C1orf141: variants seen among roughly 807,000 people sequenced by gnomAD.
The protein encoded by C1orf141 is chromosome 1 open reading frame 141.
C1orf141 carries 19 observed loss-of-function variants against 23.2 expected under a neutral mutation model. The observed-to-expected ratio is 0.82, with a 90% confidence interval of 0.57 to 1.20. The LOEUF (loss-of-function observed/expected upper bound fraction) is 1.20, where lower values mean the gene tolerates loss of function less well. Among genes scored for constraint, C1orf141 ranks in the 50% most tolerant of loss-of-function variants. The pLI, the probability that C1orf141 is intolerant of heterozygous loss-of-function variation, is 0.00. For missense variants in C1orf141, 469 were observed against 455.1 expected (o/e 1.03, Z -0.28); for synonymous variants, 153 against 154.6 (o/e 0.99, Z 0.08).
intron 6 of C1orf141, 188 bp from the exon 7 acceptor site, chr1:67,095,609 T>C: frequency 2.1e-6 from 1 of 487,082 alleles, no homozygotes; most frequent in East Asian, 3.2e-5. Context: ...AGAGTAGGAG[T>C]GGAAGCAAGA....
intron 6 of C1orf141, 191 bp downstream of exon 6, chr1:67,096,061 T>C: frequency 2.6e-6 from 1 of 384,192 alleles, no homozygotes; most frequent in South Asian, 8.6e-5. Context: ...TCCATGCCTT[T>C]CTCTCCATTT....
chr1:67,126,130 T>G (rs1646409058), intron 3 of C1orf141, among the ~76,000 whole-genome samples: 1 of 152,016 alleles, frequency 6.6e-6, no homozygotes, highest in Non-Finnish European at 1.5e-5. Flanking sequence ...TCTTTTCCCA[T>G]CTGTAAAATG....
chr1:67,101,449 A>AGAGTGTGT (rs147291198), intron 5 of C1orf141, among the ~76,000 whole-genome samples: 3 of 135,288 alleles, frequency 2.2e-5, no homozygotes, highest in South Asian at 2.6e-4. Context: ...TGAATGTAAG[A>AGAGTGTGT]GTGTGTGTGT....
At chr1:67,117,240 T>C (rs772829317) in intron 4 of C1orf141, among the ~76,000 whole-genome samples, 6 of 152,136 alleles carry the variant, frequency 3.9e-5, no homozygotes, top group Non-Finnish European at 8.8e-5. Context: ...CTGGCCAACA[T>C]GGCGAAACCC....
chr1:67,105,646 GACAC>G (rs1645909141), intron 5 of C1orf141, among the ~76,000 whole-genome samples: 1 of 151,520 alleles, frequency 6.6e-6, no homozygotes, highest in African/African-American at 2.4e-5. Flanking sequence ...CACACACACA[GACAC>G]ACACACAGAC....
At chr1:67,135,113 A>G (rs1646574306), upstream of C1orf141, 1 of 152,414 alleles carries the variant, frequency 6.6e-6, no homozygotes, top group South Asian at 2.1e-4. Context: ...TGTCACTAAA[A>G]GCCCAGGTGA....
At chr1:67,126,837 C>T (rs573427017) in intron 3 of C1orf141, among the ~76,000 whole-genome samples, 2 of 152,292 alleles carry the variant, frequency 1.3e-5, no homozygotes, top group African/African-American at 4.8e-5. Context: ...ACGCATTTAC[C>T]TCAGAGAAAT....
intron 4 of C1orf141, chr1:67,123,214 A>AT (rs1646335552): frequency 1.2e-5 from 1 of 85,194 alleles, no homozygotes; most frequent in African/African-American, 4.8e-5. Flanking sequence ...TCAAAAAAAA[A>AT]AAATAAATAA....
At chr1:67,128,040 A>G (rs1646449421) in intron 2 of C1orf141, among the ~76,000 whole-genome samples, 2 of 152,232 alleles carry the variant, frequency 1.3e-5, no homozygotes, top group African/African-American at 2.4e-5. Context: ...TTCAAATTAA[A>G]TTGGTCAATG....
Position 67,113,786 on chromosome 1 carries a change from A to G in C1orf141, c.346+1566T>C. 2 of 1,081,120 alleles carry G rather than the reference A, an allele frequency of 1.8e-6. 1 individual carries two copies. The allele number at this position is 1,081,120 out of a possible 1,614,324, so 67.0% of individuals were successfully genotyped here. A position where few individuals can be genotyped will look rare whatever the true frequency, so the allele number is the denominator to read the frequency against. ...ATGATTTAAGGAAAGAAAATGGATT[A>G]GAGATTTTTGCTACCATTATGGAAG... On this transcript the variant is annotated intron_variant, in intron 5 of 7. Coordinates refer to ENST00000684719, the MANE Select transcript of C1orf141 (RefSeq NM_001276351.2).
At chr1:67,118,445 C>T (rs952999578) in intron 4 of C1orf141, among the ~76,000 whole-genome samples, 5 of 152,184 alleles carry the variant, frequency 3.3e-5, no homozygotes, top group African/African-American at 1.2e-4. Flanking sequence ...AGACTGGCAT[C>T]TTATTCCTCA....
chr1:67,132,159 C>T (rs903421596), intron 1 of C1orf141, among the ~76,000 whole-genome samples: 2 of 150,824 alleles, frequency 1.3e-5, no homozygotes, highest in African/African-American at 2.4e-5. Flanking sequence ...TGGCCTCAAG[C>T]AATCCTCCAG....
At position 67,105,325 on chromosome 1, in the gene C1orf141, CAAAA is replaced by C. The variant is rs3052331; in HGVS notation, c.347-9008_347-9005del. ...TGAGCAACAGAGCGAGACTATTTCT[CAAAA>C]AAAAAAAAAAAAAAAAGAATATTTA... On this transcript the variant is annotated intron_variant, in intron 5 of 7. Coordinates refer to ENST00000684719, the MANE Select transcript of C1orf141 (RefSeq NM_001276351.2). Among the ~76,000 whole-genome samples, 235 of 92,330 alleles carry C rather than the reference CAAAA, an allele frequency of 2.5e-3. 2 individuals carry two copies. Among genetic ancestry groups the C allele is most frequent in the African/African-American group, 8.5e-3 (227 of 26,694 alleles). The allele number at this position is 92,330 out of a possible 152,430, so 60.6% of individuals were successfully genotyped here. A position where few individuals can be genotyped will look rare whatever the true frequency, so the allele number is the denominator to read the frequency against.
In C1orf141 at chr1:67,093,135, C is replaced by T. The variant is rs201437489; in HGVS notation, c.1073G>A (p.Ser358Asn). ...ERMFSAGKPT[S>N]IPTSSALPVK... ...AGGTAAGGCACTGGATGTGGGTATGCTCGTTGGTTTTCCTGCAGAAAACAT... is the reference window on the plus strand; with the variant it reads ...AGGTAAGGCACTGGATGTGGGTATGTTCGTTGGTTTTCCTGCAGAAAACAT... The change falls in exon 8 of 8, where the codon AGC becomes AAC. Residue 358 changes from serine (S) to asparagine (N), a missense_variant. This residue lies in a region of C1orf141 where 370 missense variants were observed against 348.1 expected (regional missense o/e 1.06). Transcript: ENST00000684719. 91 of 1,613,786 alleles carry T rather than the reference C, an allele frequency of 5.6e-5. No individual in the cohort carries two copies. The highest frequency in any genetic ancestry group is 7.2e-5 in the Non-Finnish European group (85 of 1,179,884).
intron 5 of C1orf141, among the ~76,000 whole-genome samples, chr1:67,115,005 A>G (rs1285203519): frequency 1.3e-5 from 2 of 152,240 alleles, no homozygotes; most frequent in African/African-American, 2.4e-5. Flanking sequence ...CTAACTTGAA[A>G]GTAAGTTTCT....
At chr1:67,113,289 A>G (rs1468050278) in intron 5 of C1orf141, among the ~76,000 whole-genome samples, 1 of 151,940 alleles carries the variant, frequency 6.6e-6, no homozygotes, top group Non-Finnish European at 1.5e-5. Flanking sequence ...TGAAGATGCA[A>G]TTTAAATGAA....
At chr1:67,138,607 A>C (rs1402536704), upstream of C1orf141, among the ~76,000 whole-genome samples, 1 of 152,156 alleles carries the variant, frequency 6.6e-6, no homozygotes, top group Non-Finnish European at 1.5e-5. Context: ...ACCATGCAGC[A>C]TAGAATATAG....
intron 5 of C1orf141, chr1:67,103,105 C>CT (rs1439468207): frequency 2.1e-6 from 1 of 479,722 alleles, no homozygotes; most frequent in Non-Finnish European, 3.6e-6. Context: ...GAAAAGAAGG[C>CT]TGGAGAAAGA....
intron 5 of C1orf141, among the ~76,000 whole-genome samples, chr1:67,104,295 G>C (rs184974359): frequency 7.9e-5 from 12 of 152,224 alleles, no homozygotes; most frequent in African/African-American, 2.9e-4. Flanking sequence ...GGGCATTGCA[G>C]GCGAGGTCAA....
Sources: gnomAD v4.1 joint callset for allele counts (sites outside exome capture counted in the v4.1 genomes callset) on GRCh38, gnomAD v4.1.1 for gene constraint, gnomAD v4.1.1 regional missense constraint, MANE v1.5 for transcripts, NCBI Gene and HGNC (gene_info 2026-07-23, HGNC 2026-07-21) for gene names.